ARHGAP8: variants seen among roughly 807,000 people sequenced by gnomAD.
ARHGAP8 encodes rho GTPase-activating protein 8.
A neutral mutation model predicts 46.1 loss-of-function variants in ARHGAP8; 62 were observed. The observed-to-expected ratio is 1.34, with a 90% CI of 1.10 to 1.66. The LOEUF (loss-of-function observed/expected upper bound fraction) is 1.66. Ranked by LOEUF, ARHGAP8 falls within the 40% of genes most tolerant of loss-of-function variation. The pLI is 0.00. For missense variants in ARHGAP8, 923 were observed against 568.4 expected, an observed-to-expected ratio of 1.62 and a Z score of -6.34; for synonymous variants, 375 against 243.1, an observed-to-expected ratio of 1.54 and a Z score of -5.05.
intron 5 of ARHGAP8, among the ~76,000 whole-genome samples, chr22:44,821,407 T>G (rs28654309): frequency 0.11 from 16,280 of 144,942 alleles, 1,004 homozygotes; most frequent in Middle Eastern, 0.22. Flanking sequence ...CCAGCCTGGG[T>G]GACAGAGCGA....
intron 1 of ARHGAP8, among the ~76,000 whole-genome samples, chr22:44,771,558 T>A (rs1451552576): frequency 3.4e-5 from 5 of 148,510 alleles, no homozygotes; most frequent in Admixed American, 1.4e-4. Flanking sequence ...TTTTTTTATT[T>A]TTTATTTTTT....
At chr22:44,789,149 GTTTGTTT>G (rs1372963436) in intron 2 of ARHGAP8, among the ~76,000 whole-genome samples, 2 of 151,938 alleles carry the variant, frequency 1.3e-5, no homozygotes, top group Admixed American at 6.6e-5. Context: ...TTTTTTGTTT[GTTTGTTT>G]TTTGTTTTTT....
intron 10 of ARHGAP8, among the ~76,000 whole-genome samples, chr22:44,858,425 T>G (rs1306663454): frequency 6.7e-6 from 1 of 149,466 alleles, no homozygotes; most frequent in African/African-American, 2.5e-5. Context: ...TGGAGTGCAA[T>G]GGCACCATCT....
At chr22:44,755,874 A>G (rs981556042) in intron 1 of ARHGAP8, among the ~76,000 whole-genome samples, 8 of 152,116 alleles carry the variant, frequency 5.3e-5, no homozygotes, top group African/African-American at 1.9e-4. Context: ...CTTGACCTGG[A>G]GTCAGTTGCT....
chr22:44,841,722 T>G (rs1931664492), intron 7 of ARHGAP8, among the ~76,000 whole-genome samples: 1 of 152,316 alleles, frequency 6.6e-6, no homozygotes, highest in South Asian at 2.1e-4. Context: ...AGAAGTAGCC[T>G]CTTGACATGC....
chr22:44,792,808 G>T lies in ARHGAP8; in HGVS notation c.79+6202G>T, dbSNP rs141536073. ...ACTAACGACAGTGGTGGTGGTGGTGGTGGTTTTTTTTGTTTTTTTGGTTTT... is the reference window on the plus strand; with the variant it reads ...ACTAACGACAGTGGTGGTGGTGGTGTTGGTTTTTTTTGTTTTTTTGGTTTT... On this transcript the variant is annotated intron_variant, in intron 2 of 11. Coordinates refer to ENST00000356099, the MANE Select transcript of ARHGAP8 (RefSeq NM_181335.3). Among the ~76,000 whole-genome samples the T allele has an allele frequency of 5.4e-3, 813 of 150,466 alleles. 3 individuals are homozygous for T. Among genetic ancestry groups the T allele is most frequent in the East Asian group, 0.024 (125 of 5,108 alleles).
intron 6 of ARHGAP8, among the ~76,000 whole-genome samples, chr22:44,824,544 C>T (rs1257384557): frequency 6.6e-6 from 1 of 152,112 alleles, no homozygotes; most frequent in Non-Finnish European, 1.5e-5. Flanking sequence ...GTGCCCGGCA[C>T]ATAGTAGGGC....
intron 1 of ARHGAP8, among the ~76,000 whole-genome samples, chr22:44,755,854 C>T (rs1477278499): frequency 6.6e-6 from 1 of 152,126 alleles, no homozygotes; most frequent in Non-Finnish European, 1.5e-5. Flanking sequence ...TGGGGCCTGC[C>T]TTCCTCTCTC....
chr22:44,851,446 C>T (rs532473227), intron 10 of ARHGAP8, among the ~76,000 whole-genome samples: 2 of 152,288 alleles, frequency 1.3e-5, no homozygotes, highest in Non-Finnish European at 2.9e-5. Flanking sequence ...GTGTCTCGCT[C>T]TGTCGCCCAG....
intron 2 of ARHGAP8, among the ~76,000 whole-genome samples, chr22:44,789,522 A>G (rs145090696): frequency 4.4e-4 from 67 of 151,896 alleles, no homozygotes; most frequent in African/African-American, 1.4e-3. Context: ...TTTTTTTGAG[A>G]CAAGGTCTCA....
chr22:44,858,288 T>G (rs1457625324), intron 10 of ARHGAP8, among the ~76,000 whole-genome samples: 4 of 151,622 alleles, frequency 2.6e-5, no homozygotes, highest in East Asian at 1.9e-4. Flanking sequence ...GGCATGCATG[T>G]GGCTGAGTGC....
At chr22:44,789,909 G>A (rs184103454) in intron 2 of ARHGAP8, among the ~76,000 whole-genome samples, 10 of 152,318 alleles carry the variant, frequency 6.6e-5, no homozygotes, top group African/African-American at 1.9e-4. Context: ...TGTTGGTAAG[G>A]TGTGCCTCTT....
At chr22:44,827,296 A>T (rs1431775115) in intron 7 of ARHGAP8, among the ~76,000 whole-genome samples, 2 of 142,298 alleles carry the variant, frequency 1.4e-5, no homozygotes, top group Non-Finnish European at 3.0e-5. Flanking sequence ...TTGACTCCTG[A>T]CACCTCCAGG....
At chr22:44,826,682 T>C (rs1426355156) in intron 7 of ARHGAP8, among the ~76,000 whole-genome samples, 1 of 152,142 alleles carries the variant, frequency 6.6e-6, no homozygotes, top group African/African-American at 2.4e-5. Context: ...CCTCTCAGCC[T>C]CCCAAAGTGC....
At chr22:44,825,904 T>C (rs1236106777) in intron 7 of ARHGAP8, among the ~76,000 whole-genome samples, 1 of 89,350 alleles carries the variant, frequency 1.1e-5, no homozygotes, top group Admixed American at 1.7e-4. Context: ...CCGTGCCTCG[T>C]TGGGGGGGCG....
chr22:44,773,900 T>C (rs1926223206), intron 1 of ARHGAP8, among the ~76,000 whole-genome samples: 1 of 152,244 alleles, frequency 6.6e-6, no homozygotes, highest in South Asian at 2.1e-4. Flanking sequence ...GACTTATTAA[T>C]ATGCCATTTA....
intron 11 of ARHGAP8, among the ~76,000 whole-genome samples, chr22:44,861,968 C>G (rs563554972): frequency 3.3e-5 from 5 of 152,334 alleles, no homozygotes; most frequent in African/African-American, 1.2e-4. Flanking sequence ...TGCTACAGCC[C>G]ATCCCCAAGA....
At chr22:44,859,574 C>A in intron 10 of ARHGAP8, 157 bp from the exon 11 acceptor site, 1 of 706,158 alleles carries the variant, frequency 1.4e-6, no homozygotes, top group East Asian at 2.7e-5. Flanking sequence ...CTGAGCAGAG[C>A]CATACGGCCA....
chr22:44,757,423 A>G (rs766519566), intron 1 of ARHGAP8, among the ~76,000 whole-genome samples: 68 of 152,064 alleles, frequency 4.5e-4, no homozygotes, highest in Non-Finnish European at 7.6e-4. Flanking sequence ...AATTACAGGC[A>G]TGCGCCACCA....
Sources: gnomAD v4.1 joint callset for allele counts (sites outside exome capture counted in the v4.1 genomes callset) on GRCh38, gnomAD v4.1.1 for gene constraint, MANE v1.5 for transcripts, NCBI Gene and HGNC (gene_info 2026-07-23, HGNC 2026-07-21) for gene names.